MSI2: variants seen among roughly 807,000 people sequenced by gnomAD.
The protein encoded by MSI2 is RNA-binding protein Musashi homolog 2.
Under a neutral mutation model 45.6 loss-of-function variants are expected in MSI2, and 17 were observed. The ratio of observed to expected loss-of-function variants is 0.37; its 90% CI spans 0.26 to 0.56. The LOEUF is 0.56. Among genes scored for constraint, MSI2 ranks in the 20% least tolerant of loss-of-function variants. The probability of loss-of-function intolerance (pLI) is 0.77; values close to 1 mark genes in which losing one functional copy is unlikely to be tolerated. For missense variants in MSI2, 293 were observed against 444.2 expected (o/e 0.66, Z 3.06); for synonymous variants, 156 against 158.2 (o/e 0.99, Z 0.11).
At chr17:57,262,265 A>G (rs1907375800) in intron 5 of MSI2, 73 bp downstream of exon 5, 2 of 1,511,022 alleles carry the variant, frequency 1.3e-6, no homozygotes, top group Non-Finnish European at 1.8e-6. Context: ...TTCAAACAGC[A>G]TTGGCCATGA....
chr17:57,670,695 A>G (rs1567969565), intron 11 of MSI2, among the ~76,000 whole-genome samples: 1 of 152,126 alleles, frequency 6.6e-6, no homozygotes, highest in African/African-American at 2.4e-5. Flanking sequence ...CACCAAATGG[A>G]TAAATTGGGT....
chr17:57,304,012 G>C (rs1328346086), intron 5 of MSI2, among the ~76,000 whole-genome samples: 2 of 152,140 alleles, frequency 1.3e-5, no homozygotes, highest in African/African-American at 2.4e-5. Flanking sequence ...AGCAGGGAGG[G>C]AGAGCTTTAT....
chr17:57,463,731 C>T (rs1388231324), intron 6 of MSI2, among the ~76,000 whole-genome samples: 1 of 151,350 alleles, frequency 6.6e-6, no homozygotes, highest in African/African-American at 2.4e-5. Flanking sequence ...TGCCCCTGGC[C>T]CTGGACAGCA....
At chr17:57,559,460 G>A (rs970883737) in intron 7 of MSI2, among the ~76,000 whole-genome samples, 8 of 152,216 alleles carry the variant, frequency 5.3e-5, no homozygotes, top group Admixed American at 1.3e-4. Flanking sequence ...GGGGTTGGCT[G>A]GACGGTGTGG....
At chr17:57,344,472 T>A (rs1915424843) in intron 5 of MSI2, among the ~76,000 whole-genome samples, 9 of 152,332 alleles carry the variant, frequency 5.9e-5, no homozygotes. Context: ...TCATCTTGTG[T>A]CTCCCCTGCT....
chr17:57,676,927 A>G (rs1913274526), intron 12 of MSI2, 60 bp from the exon 13 acceptor site: 1 of 1,089,938 alleles, frequency 9.2e-7, no homozygotes, highest in Admixed American at 1.7e-5. Context: ...CTTTCCCAGA[A>G]TATGACAATC....
chr17:57,523,344 G>A (rs748097632), intron 6 of MSI2, among the ~76,000 whole-genome samples: 1 of 152,152 alleles, frequency 6.6e-6, no homozygotes, highest in Non-Finnish European at 1.5e-5. Context: ...CACCACGCCC[G>A]GCCTGCATTG....
chr17:57,454,438 CTTTTTTTT>C (rs35707042), intron 6 of MSI2, among the ~76,000 whole-genome samples: 3 of 130,136 alleles, frequency 2.3e-5, no homozygotes, highest in African/African-American at 8.7e-5. Context: ...TTTTCTCTTT[CTTTTTTTT>C]TTTTTTTTTG....
chr17:57,436,444 G>A (rs1226257169), intron 6 of MSI2, among the ~76,000 whole-genome samples: 2 of 152,220 alleles, frequency 1.3e-5, no homozygotes, highest in South Asian at 4.1e-4. Context: ...TTTTGTACTT[G>A]TGTTCTGGCT....
Position 57,258,337 on chromosome 17 carries a change from G to A in MSI2, c.253G>A (p.Glu85Lys), listed in dbSNP as rs544227024. ...VDKVLGQPHH[E>K]LDSKTIDPKV... ...TAAAGTATTAGGTCAGCCCCACCAT[G>A]AGTTAGATTCCAAGACGGTAGGTTG... Residue 85 changes from glutamate to lysine, a missense_variant, in exon 4 of 14, where the codon GAG becomes AAG. Physicochemically the swap from Glu to Lys is moderately conservative, Grantham distance 56. Transcript: ENST00000284073. 3.7e-6 allele frequency: 6 copies of A among 1,614,096 alleles called. No individual in the cohort carries two copies. The highest frequency in any genetic ancestry group is 4.5e-5 in the East Asian group (2 of 44,884).
chr17:57,642,933 G>A (rs1460280319), intron 10 of MSI2, among the ~76,000 whole-genome samples: 1 of 152,160 alleles, frequency 6.6e-6, no homozygotes, highest in Non-Finnish European at 1.5e-5. Context: ...CTGGGCCAAA[G>A]TCCCCAAATA....
At position 57,513,844 on chromosome 17, in the gene MSI2, A is replaced by G. The variant is rs78947464; in HGVS notation, c.406-15832A>G. Among the ~76,000 whole-genome samples the G allele has an allele frequency of 4.2e-3, 635 of 152,328 alleles. 3 individuals carry two copies. Among genetic ancestry groups the G allele is most frequent in the African/African-American group, 0.014 (588 of 41,554 alleles). ...TTCCTATCGTTCTTAGAAAATCCCT[A>G]GTTCTGGAGCTAAAGTAGGAAAAAT... On this transcript the variant is annotated intron_variant, in intron 6 of 13. Coordinates refer to ENST00000284073, the MANE Select transcript of MSI2 (RefSeq NM_138962.4).
chr17:57,649,426 TAC>T (rs145466877), intron 10 of MSI2, among the ~76,000 whole-genome samples: 8,297 of 146,788 alleles, frequency 0.057, 724 homozygotes, highest in African/African-American at 0.19. Flanking sequence ...ACACATTCAA[TAC>T]ACACACACAC....
At chr17:57,520,962 G>A (rs1299941504) in intron 6 of MSI2, among the ~76,000 whole-genome samples, 2 of 152,106 alleles carry the variant, frequency 1.3e-5, no homozygotes, top group African/African-American at 4.8e-5. Flanking sequence ...ACTGCCCCCA[G>A]CCCTAGTTGA....
chr17:57,307,143 C>T (rs1346632338), intron 5 of MSI2, among the ~76,000 whole-genome samples: 1 of 152,230 alleles, frequency 6.6e-6, no homozygotes, highest in African/African-American at 2.4e-5. Context: ...GTGCAACCCC[C>T]TGTGATTAAT....
At chr17:57,528,036 C>G (rs916762967) in intron 6 of MSI2, among the ~76,000 whole-genome samples, 1 of 152,114 alleles carries the variant, frequency 6.6e-6, no homozygotes, top group Non-Finnish European at 1.5e-5. Flanking sequence ...GTGCTCAGTC[C>G]TTCTTAGCCA....
At chr17:57,674,534 T>G (rs1220943681) in intron 11 of MSI2, among the ~76,000 whole-genome samples, 1 of 152,010 alleles carries the variant, frequency 6.6e-6, no homozygotes, top group South Asian at 2.1e-4. Flanking sequence ...TTGCATGGGA[T>G]GTGAATGCTG....
At chr17:57,671,108 G>A (rs1394376913) in intron 11 of MSI2, among the ~76,000 whole-genome samples, 10 of 152,058 alleles carry the variant, frequency 6.6e-5, no homozygotes, top group Non-Finnish European at 2.9e-5. Context: ...GAGGATATTG[G>A]AGAGTGAGGA....
rs75157649 is a variant in MSI2 at position 57,429,669 on chromosome 17, T to G, written c.405+28198T>G. 5.0e-3 allele frequency among the ~76,000 whole-genome samples: 755 copies of G among 151,942 alleles called. 8 individuals carry two copies. The highest frequency in any genetic ancestry group is 0.017 in the African/African-American group (718 of 41,404). Reference sequence around the variant, plus strand: ...TGTGGGGAGTCATAGCCAGTGGAGCTCTAGTCTGTAACAAACACACCATCG... The same window carrying G: ...TGTGGGGAGTCATAGCCAGTGGAGCGCTAGTCTGTAACAAACACACCATCG... On this transcript the variant is annotated intron_variant, in intron 6 of 13. Coordinates refer to ENST00000284073, the MANE Select transcript of MSI2 (RefSeq NM_138962.4).
Sources: allele counts gnomAD v4.1 joint callset (sites outside exome capture counted in the v4.1 genomes callset), GRCh38; gene constraint gnomAD v4.1.1; transcripts MANE v1.5; gene names NCBI Gene and HGNC (gene_info 2026-07-23, HGNC 2026-07-21).